The following NLGN1 variants were observed in gnomAD, a reference collection of about 807,000 sequenced individuals.
The protein encoded by NLGN1 is neuroligin 1.
In NLGN1, 12 loss-of-function variants were observed where a neutral mutation model predicts 65.5. The ratio of observed to expected loss-of-function variants is 0.18; its 90% CI spans 0.12 to 0.30. NLGN1 has a LOEUF of 0.30. NLGN1 is among the 10% of genes least tolerant of loss of function. NLGN1 has a pLI of 1.00. For synonymous variants in NLGN1, 350 were observed against 359.5 expected (o/e 0.97, Z 0.30); for missense variants, 750 against 1,007.1 (o/e 0.74, Z 3.46).
intron 4 of NLGN1, among the ~76,000 whole-genome samples, chr3:174,102,909 G>A (rs975846100): frequency 2.0e-5 from 3 of 152,146 alleles, no homozygotes; most frequent in Non-Finnish European, 4.4e-5. Flanking sequence ...TAAGATGGAG[G>A]AGAGTCTGGA....
intron 4 of NLGN1, among the ~76,000 whole-genome samples, chr3:173,962,662 T>A (rs1189215079): frequency 1.3e-5 from 2 of 152,168 alleles, no homozygotes; most frequent in African/African-American, 2.4e-5. Flanking sequence ...GAATTTACGA[T>A]GTAATAAGCT....
intron 2 of NLGN1, among the ~76,000 whole-genome samples, chr3:173,570,957 C>T (rs900302400): frequency 6.6e-6 from 1 of 152,168 alleles, no homozygotes; most frequent in Non-Finnish European, 1.5e-5. Context: ...CCGTCTCGGC[C>T]TCTCAAAGTG....
chr3:173,447,842 C>G (rs1720675643), intron 2 of NLGN1, among the ~76,000 whole-genome samples: 1 of 152,148 alleles, frequency 6.6e-6, no homozygotes, highest in Non-Finnish European at 1.5e-5. Context: ...GGAGTTCATT[C>G]ATGATTTGGC....
chr3:173,862,084 AC>A (rs1046326284), intron 4 of NLGN1, among the ~76,000 whole-genome samples: 3 of 151,990 alleles, frequency 2.0e-5, no homozygotes, highest in African/African-American at 7.2e-5. Context: ...TTCATTTTAT[AC>A]CACTCTAGGT....
chr3:173,920,566 A>T (rs1240766466), intron 4 of NLGN1: 1 of 152,186 alleles, frequency 6.6e-6, no homozygotes, highest in African/African-American at 2.4e-5. Context: ...ACCTTCAAGC[A>T]TGTGAGAATG....
intron 4 of NLGN1, among the ~76,000 whole-genome samples, chr3:173,907,472 A>G (rs965014943): frequency 2.6e-5 from 4 of 152,062 alleles, no homozygotes; most frequent in African/African-American, 7.2e-5. Context: ...TTTCTGTAGT[A>G]GAGCTGAGTC....
chr3:174,159,438 C>T (rs573597326), intron 4 of NLGN1, among the ~76,000 whole-genome samples: 1 of 151,722 alleles, frequency 6.6e-6, no homozygotes, highest in South Asian at 2.1e-4. Flanking sequence ...ATATTATATT[C>T]ACTAAACCCA....
At chr3:173,728,246 T>C (rs760374375) in intron 3 of NLGN1, among the ~76,000 whole-genome samples, 2 of 151,914 alleles carry the variant, frequency 1.3e-5, no homozygotes, top group Non-Finnish European at 2.9e-5. Context: ...AAGTGACAAA[T>C]GAATAAGACG....
chr3:173,514,969 G>A (rs1733587949), intron 2 of NLGN1, among the ~76,000 whole-genome samples: 1 of 152,050 alleles, frequency 6.6e-6, no homozygotes, highest in Admixed American at 6.6e-5. Context: ...AAATAAATAT[G>A]GAAAAAATGT....
In NLGN1 at chr3:174,265,055, G is replaced by A. The variant is rs368467624; in HGVS notation, c.647-10260G>A. On this transcript the variant is annotated intron_variant, in intron 4 of 6. Coordinates refer to ENST00000457714, the Ensembl canonical transcript of NLGN1. ...TGCCCGTTCTCAGATCTCCAGCTGCGTGCTGGGAGAACCACTGCTCTCTTC... is the reference window on the plus strand; with the variant it reads ...TGCCCGTTCTCAGATCTCCAGCTGCATGCTGGGAGAACCACTGCTCTCTTC... Among the ~76,000 whole-genome samples, 137 of 152,116 alleles carry A rather than the reference G, an allele frequency of 9.0e-4. 1 individual carries two copies. The highest frequency in any genetic ancestry group is 3.0e-3 in the African/African-American group (126 of 41,482).
intron 4 of NLGN1, among the ~76,000 whole-genome samples, chr3:174,076,724 A>AGAGTGTGTGT (rs1491274049): frequency 4.9e-5 from 4 of 82,040 alleles, no homozygotes; most frequent in Non-Finnish European, 9.7e-5. Context: ...AGAGAGAGAG[A>AGAGTGTGTGT]GTGTGTGTGT....
intron 3 of NLGN1, among the ~76,000 whole-genome samples, chr3:173,615,574 A>G (rs753073728): frequency 6.6e-6 from 1 of 152,166 alleles, no homozygotes; most frequent in Non-Finnish European, 1.5e-5. Context: ...TGTGTTCCCC[A>G]TAATAAAACA....
intron 4 of NLGN1, among the ~76,000 whole-genome samples, chr3:173,951,156 C>T (rs541042177): frequency 2.6e-3 from 402 of 152,100 alleles, no homozygotes; most frequent in African/African-American, 9.3e-3. Flanking sequence ...CCAGAGCCAC[C>T]ATGTCTGGCC....
intron 1 of NLGN1, among the ~76,000 whole-genome samples, chr3:173,421,854 T>C (rs551959335): frequency 4.6e-5 from 7 of 152,278 alleles, no homozygotes; most frequent in African/African-American, 1.4e-4. Context: ...TTAGTTGCTA[T>C]GTCTCGTTAG....
intron 4 of NLGN1, among the ~76,000 whole-genome samples, chr3:173,857,142 G>A (rs755520166): frequency 2.0e-5 from 3 of 151,964 alleles, no homozygotes; most frequent in Non-Finnish European, 2.9e-5. Flanking sequence ...AGGAGTAACC[G>A]ACAAAGGCTT....
intron 2 of NLGN1, among the ~76,000 whole-genome samples, chr3:173,545,291 C>T (rs983255960): frequency 1.8e-4 from 28 of 152,078 alleles, no homozygotes; most frequent in African/African-American, 6.5e-4. Flanking sequence ...TCAGGGTGGT[C>T]TCAAACCGCT....
At chr3:173,797,632 C>T (rs1714393485) in intron 3 of NLGN1, among the ~76,000 whole-genome samples, 2 of 150,620 alleles carry the variant, frequency 1.3e-5, no homozygotes, top group Admixed American at 1.3e-4. Context: ...AACACAGTTT[C>T]CTAAGTAAGG....
At chr3:173,989,993 T>C (rs76400101) in intron 4 of NLGN1, among the ~76,000 whole-genome samples, 2,514 of 152,290 alleles carry the variant, frequency 0.017, 80 homozygotes, top group African/African-American at 0.058. Context: ...AAGGTTGGCA[T>C]ATTGGCTCAG....
intron 3 of NLGN1, among the ~76,000 whole-genome samples, chr3:173,631,481 A>G (rs58855930): frequency 0.046 from 7,059 of 152,192 alleles, 367 homozygotes; most frequent in African/African-American, 0.11. Context: ...AGGGACGGCA[A>G]GTGTTTGTAT....
Sources: allele counts gnomAD v4.1 joint callset (sites outside exome capture counted in the v4.1 genomes callset), GRCh38; gene constraint gnomAD v4.1.1; transcripts MANE v1.5; gene names NCBI Gene and HGNC (gene_info 2026-07-23, HGNC 2026-07-21).